WDR7: variants seen among roughly 807,000 people sequenced by gnomAD.
WDR7 encodes the protein WD repeat domain 7.
A neutral mutation model predicts 169.4 loss-of-function variants in WDR7; 46 were observed. The ratio of observed to expected loss-of-function variants is 0.27; its 90% confidence interval spans 0.21 to 0.35. The LOEUF (loss-of-function observed/expected upper bound fraction) is 0.35. Ranked by LOEUF, WDR7 falls within the 10% of genes least tolerant of loss-of-function variation. The pLI, the probability that WDR7 is intolerant of heterozygous loss-of-function variation, is 1.00. For missense variants in WDR7, 1,534 were observed against 1,859.3 expected (o/e 0.83, Z 3.22); for synonymous variants, 612 against 666.8 (o/e 0.92, Z 1.27).
intron 26 of WDR7, among the ~76,000 whole-genome samples, chr18:56,997,623 C>CT (rs1287102572): frequency 3.9e-5 from 6 of 152,014 alleles, no homozygotes; most frequent in South Asian, 2.1e-4. Flanking sequence ...TAACCTACAG[C>CT]TTTTTTTAAA....
rs763311163 is a variant in WDR7, at chr18:57,027,079, G to C, written c.4345G>C (p.Val1449Leu). The C allele has an allele frequency of 1.9e-6, 3 of 1,614,158 alleles. No homozygotes were observed. The Admixed American group carries it at 5.0e-5, about 27-fold the overall frequency. ...PQLRCIKTYQ[V>L]PPVQPASPGS... ...GCTGCGCTGCATTAAAACCTACCAGGTGCCCCCTGTGCAGCCCGCGTCCCC... is the reference window on the plus strand; with the variant it reads ...GCTGCGCTGCATTAAAACCTACCAGCTGCCCCCTGTGCAGCCCGCGTCCCC... The change falls in exon 28 of 28, where the codon GTG (valine) becomes CTG (leucine). Residue 1449 changes from valine (V) to leucine (L), a missense_variant. Transcript: ENST00000254442.
intron 12 of WDR7, among the ~76,000 whole-genome samples, chr18:56,698,622 A>G (rs1192523114): frequency 6.6e-6 from 1 of 150,900 alleles, no homozygotes; most frequent in Non-Finnish European, 1.5e-5. Flanking sequence ...AAAAAAAAAA[A>G]TTCAGATTGG....
At chr18:56,942,327 C>G (rs1472050912) in intron 25 of WDR7, among the ~76,000 whole-genome samples, 1 of 152,042 alleles carries the variant, frequency 6.6e-6, no homozygotes, top group Non-Finnish European at 1.5e-5. Context: ...TATTAAGGAT[C>G]TAAAGGCAAC....
chr18:56,901,043 T>A (rs907676638), intron 21 of WDR7, among the ~76,000 whole-genome samples: 1 of 152,210 alleles, frequency 6.6e-6, no homozygotes. Flanking sequence ...TAATTCTAAA[T>A]ACAGTCTCAT....
At chr18:57,008,420 GGCGGCTTATA>G (rs1295473079) in intron 26 of WDR7, among the ~76,000 whole-genome samples, 1 of 152,172 alleles carries the variant, frequency 6.6e-6, no homozygotes, top group Non-Finnish European at 1.5e-5. Context: ...ACCACAAGAA[GGCGGCTTATA>G]GCCTGGCCAT....
rs2048381714 is a variant in WDR7, at chr18:57,027,354, A to C, written c.*147A>C. 9 of 1,005,212 alleles carry C rather than the reference A, an allele frequency of 9.0e-6. No homozygotes were observed. The highest frequency in any genetic ancestry group is 3.3e-5 in the South Asian group (2 of 60,926). The allele number at this position is 1,005,212 out of a possible 1,614,324, so 62.3% of individuals were successfully genotyped here. On this transcript the variant is annotated 3_prime_UTR_variant, in exon 28 of 28. Coordinates refer to ENST00000254442, the MANE Select transcript of WDR7 (RefSeq NM_015285.3). ...CACGGCCGGGTCTTGTCACTTGTGC[A>C]TGCTTCTCAGGGGCAGAACCCGCTC...
At chr18:56,930,013 G>A (rs954303840) in intron 22 of WDR7, among the ~76,000 whole-genome samples, 9 of 152,118 alleles carry the variant, frequency 5.9e-5, no homozygotes, top group African/African-American at 1.9e-4. Context: ...CGTTCATGTG[G>A]CAGGGCCTTT....
intron 15 of WDR7, among the ~76,000 whole-genome samples, chr18:56,758,002 T>G (rs1024664391): frequency 4.7e-5 from 7 of 150,440 alleles, no homozygotes; most frequent in African/African-American, 1.0e-4. Flanking sequence ...ATTAAATGCT[T>G]CTTCTCATTG....
At chr18:56,986,250 C>T (rs973215696) in intron 26 of WDR7, among the ~76,000 whole-genome samples, 4 of 148,960 alleles carry the variant, frequency 2.7e-5, no homozygotes, top group South Asian at 2.2e-4. Context: ...ATACTGATAG[C>T]GATATGTTCA....
chr18:56,744,831 A>G (rs1379285134), intron 14 of WDR7, among the ~76,000 whole-genome samples: 1 of 152,180 alleles, frequency 6.6e-6, no homozygotes, highest in Non-Finnish European at 1.5e-5. Flanking sequence ...TGAAGAGCAG[A>G]TGTGGGGGAG....
chr18:56,870,789 A>T (rs2045942243), intron 20 of WDR7, among the ~76,000 whole-genome samples: 1 of 152,132 alleles, frequency 6.6e-6, no homozygotes, highest in Non-Finnish European at 1.5e-5. Context: ...GCCCAGCCTC[A>T]ATTTGGATAG....
chr18:56,689,283 G>T (rs1340088586), intron 7 of WDR7, among the ~76,000 whole-genome samples: 2 of 152,100 alleles, frequency 1.3e-5, no homozygotes, highest in East Asian at 3.9e-4. Context: ...TTTGTTTTGA[G>T]ACAGAGTCTT....
intron 23 of WDR7, among the ~76,000 whole-genome samples, chr18:56,936,760 TG>T: frequency 6.6e-6 from 1 of 152,320 alleles, no homozygotes; most frequent in South Asian, 2.1e-4. Flanking sequence ...AATAGCATTT[TG>T]TATAGGCTTA....
At chr18:57,024,787 A>G (rs867621231) in intron 27 of WDR7, among the ~76,000 whole-genome samples, 33 of 115,346 alleles carry the variant, frequency 2.9e-4, no homozygotes, top group South Asian at 1.2e-3. Flanking sequence ...TCCCTTATAG[A>G]ATTTCACATA....
intron 19 of WDR7, among the ~76,000 whole-genome samples, chr18:56,797,379 G>T (rs2044602060): frequency 6.6e-6 from 1 of 152,022 alleles, no homozygotes. Context: ...CCACCTTCTA[G>T]TAGTTTACTA....
At chr18:56,863,596 A>G (rs1413086099) in intron 20 of WDR7, among the ~76,000 whole-genome samples, 3 of 151,746 alleles carry the variant, frequency 2.0e-5, no homozygotes, top group Non-Finnish European at 3.0e-5. Context: ...TGTAAACTTC[A>G]TATTTTTATT....
chr18:56,922,828 C>G (rs1287565385), intron 21 of WDR7, among the ~76,000 whole-genome samples: 2 of 152,092 alleles, frequency 1.3e-5, no homozygotes, highest in African/African-American at 2.4e-5. Context: ...TAACAATTGA[C>G]TATAATATAA....
intron 16 of WDR7, among the ~76,000 whole-genome samples, chr18:56,773,026 A>C (rs543384569): frequency 6.6e-6 from 1 of 152,208 alleles, no homozygotes; most frequent in African/African-American, 2.4e-5. Flanking sequence ...TGACGTATTA[A>C]AACTGTGCTT....
At chr18:56,935,939 C>T (rs1193026600) in intron 23 of WDR7, 34 bp downstream of exon 23, 1 of 1,560,216 alleles carries the variant, frequency 6.4e-7, no homozygotes, top group African/African-American at 1.4e-5. Flanking sequence ...TCCATCTTCT[C>T]ATTTAGAGGA....
Sources: allele counts gnomAD v4.1 joint callset (sites outside exome capture counted in the v4.1 genomes callset), GRCh38; gene constraint gnomAD v4.1.1; transcripts MANE v1.5; gene names NCBI Gene and HGNC (gene_info 2026-07-23, HGNC 2026-07-21).